ZSWIM6: variants seen among roughly 807,000 people sequenced by gnomAD.
The protein encoded by ZSWIM6 is zinc finger SWIM domain-containing protein 6.
In ZSWIM6, 9 loss-of-function variants were observed where a neutral mutation model predicts 113.2. The ratio of observed to expected loss-of-function variants is 0.08; its 90% CI spans 0.05 to 0.14. The LOEUF is 0.14. ZSWIM6 is among the 10% of genes least tolerant of loss of function. The probability of loss-of-function intolerance (pLI) is 1.00; values close to 1 mark genes in which losing one functional copy is unlikely to be tolerated. For missense variants in ZSWIM6, 1,162 were observed against 1,552.2 expected (o/e 0.75, Z 4.22); for synonymous variants, 611 against 606.5 (o/e 1.01, Z -0.11).
chr5:61,512,878 T>C (rs2112247509), intron 4 of ZSWIM6, among the ~76,000 whole-genome samples: 1 of 152,170 alleles, frequency 6.6e-6, no homozygotes, highest in Non-Finnish European at 1.5e-5. Flanking sequence ...AGATTTCCCA[T>C]ATACCCCTTC....
intron 1 of ZSWIM6, among the ~76,000 whole-genome samples, chr5:61,353,227 A>T (rs1227300769): frequency 6.6e-6 from 1 of 152,010 alleles, no homozygotes; most frequent in Non-Finnish European, 1.5e-5. Flanking sequence ...CTCATTTGAA[A>T]CACATTTATT....
At chr5:61,427,377 G>A (rs1422504340) in intron 1 of ZSWIM6, among the ~76,000 whole-genome samples, 2 of 152,096 alleles carry the variant, frequency 1.3e-5, no homozygotes, top group East Asian at 3.9e-4. Context: ...ATACCTAATA[G>A]AATGCCTACA....
At chr5:61,378,825 G>A (rs1297904991) in intron 1 of ZSWIM6, among the ~76,000 whole-genome samples, 6 of 152,058 alleles carry the variant, frequency 3.9e-5, no homozygotes, top group African/African-American at 1.4e-4. Flanking sequence ...CAAACTGCTG[G>A]GATTACAGGC....
At chr5:61,494,619 G>A (rs1225145307) in intron 4 of ZSWIM6, among the ~76,000 whole-genome samples, 1 of 152,036 alleles carries the variant, frequency 6.6e-6, no homozygotes, top group Non-Finnish European at 1.5e-5. Flanking sequence ...TGGGGGAATT[G>A]CCTGATCTTG....
intron 1 of ZSWIM6, chr5:61,391,390 C>G (rs1321896510): frequency 5.8e-6 from 5 of 864,478 alleles, no homozygotes; most frequent in African/African-American, 3.3e-5. Context: ...GGCAATGATG[C>G]AGATGACTTG....
intron 1 of ZSWIM6, among the ~76,000 whole-genome samples, chr5:61,353,938 G>A (rs1434825497): frequency 6.6e-6 from 1 of 152,198 alleles, no homozygotes; most frequent in Non-Finnish European, 1.5e-5. Flanking sequence ...TGTGTTGGCA[G>A]CCCTGTAGAT....
intron 2 of ZSWIM6, among the ~76,000 whole-genome samples, chr5:61,481,436 T>C (rs1355673570): frequency 6.6e-6 from 1 of 152,050 alleles, no homozygotes; most frequent in Non-Finnish European, 1.5e-5. Flanking sequence ...ATGAATACTT[T>C]TAATTATTAA....
At chr5:61,500,325 A>G (rs1748432734) in intron 4 of ZSWIM6, among the ~76,000 whole-genome samples, 1 of 151,854 alleles carries the variant, frequency 6.6e-6, no homozygotes, top group South Asian at 2.1e-4. Context: ...ATGGGGTTTC[A>G]CTACGTTAAC....
rs1580076353 is a variant in ZSWIM6 at position 61,543,465 on chromosome 5, C to G, written c.2796C>G (p.Ala932=). 6.5e-7 allele frequency: 1 copy of G among 1,549,986 alleles called. No homozygotes were observed. The highest frequency in any genetic ancestry group is 2.4e-5 in the East Asian group (1 of 40,900). The part of the protein sequence containing the change: ...VTCATEVGVY[A]LDSIMQTWFT... ...TTGTGTTCCTTGCAGGGGTTTATGC[C>G]CTGGACAGCATCATGCAGACCTGGT... The change falls in exon 14 of 14, where the codon GCC becomes GCG. Residue 932 remains alanine (A), a synonymous_variant. Coordinates refer to ENST00000252744, the MANE Select transcript of ZSWIM6 (RefSeq NM_020928.2). This position sits in a 1 kb window ranked among gnomAD's most constrained non-coding sequence, Gnocchi z 4.3.
chr5:61,376,921 A>T (rs938763430), intron 1 of ZSWIM6, among the ~76,000 whole-genome samples: 7 of 145,802 alleles, frequency 4.8e-5, no homozygotes, highest in Non-Finnish European at 9.1e-5. Flanking sequence ...GGTTTTGATT[A>T]AAAAAAAAAA....
chr5:61,490,163 T>C (rs945513182), intron 2 of ZSWIM6, among the ~76,000 whole-genome samples: 1 of 152,084 alleles, frequency 6.6e-6, no homozygotes. Context: ...GCTTATTACT[T>C]AGCTGCTATC....
At chr5:61,404,427 A>T (rs1299774259) in intron 1 of ZSWIM6, among the ~76,000 whole-genome samples, 1 of 152,092 alleles carries the variant, frequency 6.6e-6, no homozygotes, top group South Asian at 2.1e-4. Context: ...TGAAGTTCAC[A>T]TTGTCTCCAG....
In ZSWIM6 at chr5:61,341,791, A is replaced by G. The variant is rs570362118; in HGVS notation, c.676+8843A>G. On this transcript the variant is annotated intron_variant, in intron 1 of 13. Coordinates refer to ENST00000252744, the MANE Select transcript of ZSWIM6 (RefSeq NM_020928.2). ...CTTCACCGGTAAATAGTATACACAT[A>G]ATCCTTCAGGATGTACCTATACATA... Among the ~76,000 whole-genome samples the G allele has an allele frequency of 3.3e-5, 5 of 151,942 alleles. No homozygotes were observed. In the South Asian group the frequency reaches 1.0e-3, roughly 32 times the overall value.
intron 1 of ZSWIM6, among the ~76,000 whole-genome samples, chr5:61,468,629 A>G (rs962528656): frequency 1.1e-4 from 16 of 152,184 alleles, no homozygotes; most frequent in Admixed American, 1.0e-3. Context: ...AATTCTCAGG[A>G]ACATTATTTT....
chr5:61,340,463 T>A (rs1383781153), intron 1 of ZSWIM6, among the ~76,000 whole-genome samples: 1 of 152,198 alleles, frequency 6.6e-6, no homozygotes, highest in Non-Finnish European at 1.5e-5. Flanking sequence ...TCTGTACAGA[T>A]CCACAGTTCA....
At chr5:61,415,097 G>A (rs1254411882) in intron 1 of ZSWIM6, among the ~76,000 whole-genome samples, 4 of 152,128 alleles carry the variant, frequency 2.6e-5, no homozygotes, top group South Asian at 2.1e-4. Context: ...GATGCTCCTC[G>A]TACTGTTCCC....
intron 1 of ZSWIM6, among the ~76,000 whole-genome samples, chr5:61,348,038 G>A (rs1237655804): frequency 6.6e-6 from 1 of 152,094 alleles, no homozygotes; most frequent in Non-Finnish European, 1.5e-5. Context: ...TGGCTAACAC[G>A]GTGAAACCCT....
chr5:61,332,337 GC>G lies in ZSWIM6; in HGVS notation c.66del (p.Gly23AlafsTer87). 9.3e-7 allele frequency: 1 copy of G among 1,071,224 alleles called. No individual in the cohort carries two copies. The highest frequency in any genetic ancestry group is 1.1e-6 in the Non-Finnish European group (1 of 870,966). The allele number at this position is 1,071,224 out of a possible 1,614,324, so 66.4% of individuals were successfully genotyped here. A position where few individuals can be genotyped will look rare whatever the true frequency, so the allele number is the denominator to read the frequency against. ...KRLCCRPGGG[G>X]GGGGSSGGGG... Reference sequence around the variant, plus strand: ...CTTTGCTGCCGGCCGGGCGGCGGCGGCGGCGGCGGGGGCAGCAGCGGCGGCG... The same window carrying G: ...CTTTGCTGCCGGCCGGGCGGCGGCGGGGCGGCGGGGGCAGCAGCGGCGGCG... On this transcript the variant is annotated frameshift_variant, in exon 1 of 14. Transcript: ENST00000252744. LOFTEE classifies it high-confidence loss of function.
intron 1 of ZSWIM6, among the ~76,000 whole-genome samples, chr5:61,412,306 G>A (rs756716387): frequency 2.0e-5 from 3 of 152,208 alleles, no homozygotes; most frequent in Admixed American, 6.5e-5. Flanking sequence ...ATCTGGCATC[G>A]TTTGCTGGGA....
Sources: gnomAD v4.1 joint callset for allele counts (sites outside exome capture counted in the v4.1 genomes callset) on GRCh38, gnomAD v4.1.1 for gene constraint, Gnocchi (gnomAD v3.1) non-coding constraint, MANE v1.5 for transcripts, NCBI Gene and HGNC (gene_info 2026-07-23, HGNC 2026-07-21) for gene names.